Variants in PKHD1 observed in about 807,000 individuals in gnomAD.
PKHD1 encodes the protein PKHD1 ciliary IPT domain containing fibrocystin/polyductin, also known as fibrocystin.
In PKHD1, 291 loss-of-function variants were observed where a neutral mutation model predicts 412.0. The ratio of observed to expected loss-of-function variants is 0.71; its 90% CI spans 0.64 to 0.78. PKHD1 has a LOEUF of 0.78. Ranked by LOEUF, PKHD1 falls within the 30% of genes least tolerant of loss-of-function variation. The pLI is 0.00. For synonymous variants in PKHD1, 1,777 were observed against 1,821.5 expected (o/e 0.98, Z 0.62); for missense variants, 4,825 against 4,950.7 (o/e 0.97, Z 0.76).
intron 6 of PKHD1, 141 bp downstream of exon 6, chr6:52,076,135 C>T: frequency 1.4e-6 from 1 of 698,116 alleles, no homozygotes; most frequent in Non-Finnish European, 2.6e-6. Context: ...TAAAAATGAA[C>T]CAGAGGTTGA....
intron 35 of PKHD1, among the ~76,000 whole-genome samples, chr6:51,998,628 AG>A (rs1050022892): frequency 1.5e-4 from 23 of 152,242 alleles, no homozygotes; most frequent in African/African-American, 5.5e-4. Context: ...TATAGAATCA[AG>A]GCATGCCTTT....
intron 60 of PKHD1, among the ~76,000 whole-genome samples, chr6:51,685,213 T>C (rs1777254041): frequency 6.6e-6 from 1 of 152,064 alleles, no homozygotes; most frequent in Non-Finnish European, 1.5e-5. Flanking sequence ...AGTGGGAGAA[T>C]TCCTTCCTGT....
chr6:51,803,673 A>T (rs1448311864), intron 52 of PKHD1, among the ~76,000 whole-genome samples: 3 of 151,548 alleles, frequency 2.0e-5, no homozygotes, highest in Non-Finnish European at 4.4e-5. Context: ...AAAGAAACAA[A>T]CATAAATAAA....
At chr6:51,727,456 T>C (rs1177644706) in intron 60 of PKHD1, among the ~76,000 whole-genome samples, 1 of 152,172 alleles carries the variant, frequency 6.6e-6, no homozygotes, top group Non-Finnish European at 1.5e-5. Flanking sequence ...GTACGCTTGA[T>C]AGAGATCCAA....
intron 60 of PKHD1, among the ~76,000 whole-genome samples, chr6:51,734,604 G>A (rs772640136): frequency 2.6e-5 from 4 of 152,096 alleles, no homozygotes; most frequent in Non-Finnish European, 5.9e-5. Flanking sequence ...TGAGCAACGG[G>A]TGAAGGAGAG....
chr6:51,818,472 T>C (rs1394362248), intron 52 of PKHD1, among the ~76,000 whole-genome samples: 1 of 152,210 alleles, frequency 6.6e-6, no homozygotes, highest in Non-Finnish European at 1.5e-5. Flanking sequence ...TCCAGAGGCC[T>C]AGATTTGACT....
chr6:52,085,252 A>G (rs1244126724), intron 1 of PKHD1, among the ~76,000 whole-genome samples: 1 of 151,676 alleles, frequency 6.6e-6, no homozygotes, highest in Non-Finnish European at 1.5e-5. Flanking sequence ...GATAAATAAT[A>G]ACCTCTTTCA....
At chr6:51,884,989 A>G (rs184987395) in intron 45 of PKHD1, among the ~76,000 whole-genome samples, 273 of 152,274 alleles carry the variant, frequency 1.8e-3, no homozygotes, top group Non-Finnish European at 3.3e-3. Flanking sequence ...CTTCATCCAC[A>G]GTTATCTTTC....
intron 33 of PKHD1, among the ~76,000 whole-genome samples, chr6:52,020,832 G>A (rs1202499857): frequency 6.6e-6 from 1 of 152,204 alleles, no homozygotes; most frequent in Admixed American, 6.5e-5. Flanking sequence ...TCTGAAAATG[G>A]AGAAATTAGT....
intron 53 of PKHD1, among the ~76,000 whole-genome samples, chr6:51,778,355 A>C (rs1791410453): frequency 6.6e-6 from 1 of 152,162 alleles, no homozygotes; most frequent in Non-Finnish European, 1.5e-5. Flanking sequence ...GGATATTTTC[A>C]CATGCACAAT....
intron 36 of PKHD1, among the ~76,000 whole-genome samples, chr6:51,945,367 C>CT (rs1470489872): frequency 1.3e-5 from 2 of 152,192 alleles, no homozygotes; most frequent in Non-Finnish European, 2.9e-5. Context: ...CATACAATTG[C>CT]TGGGCCTCAG....
At chr6:51,924,929 T>C (rs925818587) in intron 37 of PKHD1, among the ~76,000 whole-genome samples, 2 of 152,252 alleles carry the variant, frequency 1.3e-5, no homozygotes, top group South Asian at 2.1e-4. Context: ...GTACATTACA[T>C]GTTTTGTTTC....
In PKHD1 at chr6:52,016,650, A is replaced by AAAAG. The variant is rs1800587487; in HGVS notation, c.5600+759_5600+760insCTTT. Among the ~76,000 whole-genome samples, 26 of 150,768 alleles carry AAAAG rather than the reference A, an allele frequency of 1.7e-4. No individual in the cohort carries two copies. The South Asian group carries it at 5.2e-3, about 30-fold the overall frequency. ...GACTCTGTCTCAAAAAAAAAAAAAA[A>AAAAG]AAAAGAAAAGAAAAAGAAAAGAGAC... On this transcript the variant is annotated intron_variant, in intron 34 of 66. Coordinates refer to ENST00000371117, the MANE Select transcript of PKHD1 (RefSeq NM_138694.4).
At chr6:51,774,734 T>G (rs909619866) in intron 54 of PKHD1, among the ~76,000 whole-genome samples, 1 of 152,022 alleles carries the variant, frequency 6.6e-6, no homozygotes, top group East Asian at 1.9e-4. Flanking sequence ...TGACTGCTAA[T>G]GAATATTAAA....
At chr6:51,856,177 A>G in intron 48 of PKHD1, 107 bp from the exon 49 acceptor site, 1 of 788,486 alleles carries the variant, frequency 1.3e-6, no homozygotes, top group Non-Finnish European at 2.3e-6. Flanking sequence ...CATTCTCTCC[A>G]CATATGTCTT....
Position 52,065,006 on chromosome 6 carries a change from A to C in PKHD1, c.925T>G (p.Cys309Gly), listed in dbSNP as rs1251602036. 2 of 1,602,702 alleles carry C rather than the reference A, an allele frequency of 1.2e-6. No individual in the cohort carries two copies. Among genetic ancestry groups the C allele is most frequent in the Non-Finnish European group, 1.7e-6 (2 of 1,175,614 alleles). The change falls in exon 13 of 67, where the codon TGC (cysteine) becomes GGC (glycine). Residue 309 changes from cysteine to glycine, a missense_variant. By Grantham distance (159) the Cys-to-Gly change is radical. Transcript: ENST00000371117. The stretch of plus-strand genomic sequence containing the variant: ...TCTTTTCCTGGAGCCCGAGTGGTGC[A>C]CTCAATCTTCCTGGGAGACACGTGT... Reference protein sequence around the residue: ...IRHVSPRKIECTTRAPGKDVR... With the variant: ...IRHVSPRKIEGTTRAPGKDVR...
chr6:51,949,007 A>G (rs1789902864), intron 36 of PKHD1, among the ~76,000 whole-genome samples: 1 of 152,096 alleles, frequency 6.6e-6, no homozygotes, highest in African/African-American at 2.4e-5. Context: ...GATAAAATAA[A>G]CCCAGGGAGA....
intron 30 of PKHD1, 85 bp downstream of exon 30, chr6:52,028,071 A>G (rs1396308545): frequency 4.3e-6 from 6 of 1,406,386 alleles, no homozygotes; most frequent in Non-Finnish European, 1.0e-6. Context: ...AGGGAAAAAG[A>G]AAATACCTAA....
intron 41 of PKHD1, among the ~76,000 whole-genome samples, chr6:51,905,233 C>T (rs542682186): frequency 6.6e-6 from 1 of 151,982 alleles, no homozygotes; most frequent in Non-Finnish European, 1.5e-5. Flanking sequence ...AACTGGAGAC[C>T]CTTTGTTTCT....
Sources: allele counts gnomAD v4.1 joint callset (sites outside exome capture counted in the v4.1 genomes callset), GRCh38; gene constraint gnomAD v4.1.1; transcripts MANE v1.5; gene names NCBI Gene and HGNC (gene_info 2026-07-23, HGNC 2026-07-21).